Variants in SMIM36 observed in about 807,000 individuals in gnomAD.
The protein encoded by SMIM36 is small integral membrane protein 36.
chr17:55,511,091 C>A, exon 1 of SMIM36: 1 of 398,588 alleles, frequency 2.5e-6, no homozygotes, highest in Non-Finnish European at 4.4e-6. Context: ...GGAGCAGGAT[C>A]CCCCAAAGAA....
At chr17:55,507,589 G>A (rs1411066287) in intron 1 of SMIM36, among the ~76,000 whole-genome samples, 1 of 98,688 alleles carries the variant, frequency 1.0e-5, no homozygotes, top group Non-Finnish European at 1.9e-5. Context: ...GGGGTGGGGG[G>A]AGGGGGGAGG....
chr17:55,461,079 G>T (rs1269177685), intron 4 of SMIM36, among the ~76,000 whole-genome samples: 2 of 152,160 alleles, frequency 1.3e-5, no homozygotes, highest in Non-Finnish European at 2.9e-5. Context: ...TGGGAACTGA[G>T]AAGTATAATT....
intron 1 of SMIM36, among the ~76,000 whole-genome samples, chr17:55,508,660 C>T (rs60019181): frequency 0.012 from 1,808 of 151,622 alleles, 26 homozygotes; most frequent in Middle Eastern, 0.041. Flanking sequence ...CGGTGGCTCA[C>T]GCCTGTAAAC....
At chr17:55,508,121 C>T (rs570930096) in intron 1 of SMIM36, among the ~76,000 whole-genome samples, 33 of 152,026 alleles carry the variant, frequency 2.2e-4, no homozygotes, top group African/African-American at 7.7e-4. Flanking sequence ...TGGCCCCAAC[C>T]TACTGCTTTG....
intron 3 of SMIM36, among the ~76,000 whole-genome samples, chr17:55,472,739 C>A (rs908978562): frequency 1.3e-5 from 2 of 151,664 alleles, no homozygotes; most frequent in African/African-American, 4.8e-5. Context: ...GGTGTGGTGG[C>A]GGACAACTGT....
chr17:55,521,707 TAA>T, the SMIM36 span, among the ~76,000 whole-genome samples: 1 of 152,222 alleles, frequency 6.6e-6, no homozygotes, highest in Non-Finnish European at 1.5e-5. Flanking sequence ...CAGATGCAAC[TAA>T]AACTTTGACA....
chr17:55,518,027 G>A, the SMIM36 span, among the ~76,000 whole-genome samples: 3 of 152,194 alleles, frequency 2.0e-5, no homozygotes, highest in East Asian at 1.9e-4. Context: ...TGAAAATCCA[G>A]GGAGAAGTAT....
intron 4 of SMIM36, among the ~76,000 whole-genome samples, chr17:55,460,455 A>AAAC (rs1567862734): frequency 2.3e-4 from 34 of 148,870 alleles, no homozygotes; most frequent in African/African-American, 6.6e-4. Context: ...AACAAAACAA[A>AAAC]AAAAAAGAAC....
At chr17:55,480,546 G>T (rs1002348646) in intron 1 of SMIM36, among the ~76,000 whole-genome samples, 2 of 152,142 alleles carry the variant, frequency 1.3e-5, no homozygotes, top group Non-Finnish European at 2.9e-5. Flanking sequence ...TGATTTTTTG[G>T]GGGGATGCAT....
At chr17:55,502,425 A>C (rs28843068) in intron 1 of SMIM36, among the ~76,000 whole-genome samples, 2,427 of 64,380 alleles carry the variant, frequency 0.038, 185 homozygotes, top group African/African-American at 0.11. Context: ...CCCTGACCCC[A>C]GAGCAGCCTA....
At chr17:55,466,333 G>A (rs1195947245) in intron 4 of SMIM36, among the ~76,000 whole-genome samples, 2 of 150,136 alleles carry the variant, frequency 1.3e-5, no homozygotes, top group African/African-American at 4.9e-5. Flanking sequence ...GGAGTCATTT[G>A]GTTAGAAGGG....
At chr17:55,521,637 A>G in the SMIM36 span, among the ~76,000 whole-genome samples, 1 of 150,692 alleles carries the variant, frequency 6.6e-6, no homozygotes, top group Non-Finnish European at 1.5e-5. Context: ...TGTAGATTGG[A>G]CTTGGGAGGA....
At chr17:55,482,320 G>C (rs1349367579) in intron 1 of SMIM36, among the ~76,000 whole-genome samples, 1 of 152,030 alleles carries the variant, frequency 6.6e-6, no homozygotes, top group Non-Finnish European at 1.5e-5. Context: ...CCTTTCATCT[G>C]CCCTACCCTG....
intron 1 of SMIM36, among the ~76,000 whole-genome samples, chr17:55,501,345 A>T (rs1274023171): frequency 2.5e-5 from 2 of 79,206 alleles, no homozygotes; most frequent in South Asian, 3.7e-4. Context: ...TATATTATAT[A>T]TTATATTTTA....
chr17:55,491,504 C>G (rs1230853064), intron 1 of SMIM36, among the ~76,000 whole-genome samples: 3 of 152,124 alleles, frequency 2.0e-5, no homozygotes, highest in Non-Finnish European at 4.4e-5. Context: ...TTACTGGAAC[C>G]CTGATTTTGT....
At chr17:55,454,144 G>A (rs1182412000) in intron 4 of SMIM36, 1 of 152,238 alleles carries the variant, frequency 6.6e-6, no homozygotes, top group Non-Finnish European at 1.5e-5. Context: ...TTGGTTTTAA[G>A]TAGGTGTTTG....
At chr17:55,517,787 T>A in the SMIM36 span, among the ~76,000 whole-genome samples, 1 of 152,148 alleles carries the variant, frequency 6.6e-6, no homozygotes, top group Non-Finnish European at 1.5e-5. Flanking sequence ...AGTGGAAAAG[T>A]CAGTGTTGCA....
chr17:55,486,197 G>GC (rs1909606106), intron 1 of SMIM36, among the ~76,000 whole-genome samples: 1 of 151,858 alleles, frequency 6.6e-6, no homozygotes, highest in Non-Finnish European at 1.5e-5. Context: ...ACCATACACA[G>GC]CTAATTTTTT....
intron 4 of SMIM36, among the ~76,000 whole-genome samples, chr17:55,459,040 G>A (rs1392202737): frequency 1.3e-5 from 2 of 152,098 alleles, no homozygotes; most frequent in East Asian, 3.8e-4. Context: ...GGGGCCTCAG[G>A]AGCTGTCAAC....
Sources: gnomAD v4.1 joint callset for allele counts (sites outside exome capture counted in the v4.1 genomes callset) on GRCh38, gnomAD v4.1.1 for gene constraint, MANE v1.5 for transcripts, NCBI Gene and HGNC (gene_info 2026-07-23, HGNC 2026-07-21) for gene names.